The following SLIT3 variants were observed in gnomAD, a reference collection of about 807,000 sequenced individuals.
SLIT3 encodes slit homolog 3 protein.
Under a neutral mutation model 184.0 loss-of-function variants are expected in SLIT3, and 68 were observed. The observed-to-expected ratio is 0.37, with a 90% confidence interval of 0.30 to 0.45. The LOEUF is 0.45. SLIT3 is among the 20% of genes least tolerant of loss of function. The probability of loss-of-function intolerance (pLI) is 1.00; values close to 1 mark genes in which losing one functional copy is unlikely to be tolerated. For synonymous variants in SLIT3, 831 were observed against 828.6 expected (o/e 1.00, Z -0.05); for missense variants, 1,707 against 2,026.0 (o/e 0.84, Z 3.02).
chr5:168,862,679 T>TTG (rs1759154301), intron 5 of SLIT3, among the ~76,000 whole-genome samples: 3 of 116,814 alleles, frequency 2.6e-5, no homozygotes, highest in African/African-American at 1.7e-4. Flanking sequence ...TTGTTTGTTG[T>TTG]TTTTTTTTTT....
At chr5:168,944,587 A>G (rs1214263435) in intron 4 of SLIT3, among the ~76,000 whole-genome samples, 1 of 152,208 alleles carries the variant, frequency 6.6e-6, no homozygotes, top group Non-Finnish European at 1.5e-5. Flanking sequence ...CAGCAAAGAC[A>G]TAACACCTCT....
chr5:168,989,720 C>A (rs983821828), intron 4 of SLIT3, among the ~76,000 whole-genome samples: 3 of 152,124 alleles, frequency 2.0e-5, no homozygotes, highest in African/African-American at 7.2e-5. Flanking sequence ...CACCCTAAAA[C>A]GAGAAGATCA....
chr5:168,810,595 G>T (rs1027009890), intron 8 of SLIT3, among the ~76,000 whole-genome samples: 3 of 152,188 alleles, frequency 2.0e-5, no homozygotes, highest in Non-Finnish European at 4.4e-5. Flanking sequence ...CTCAATACGC[G>T]TCTCCCCTCT....
chr5:168,899,928 T>C (rs1760808721), intron 4 of SLIT3, among the ~76,000 whole-genome samples: 1 of 152,112 alleles, frequency 6.6e-6, no homozygotes, highest in African/African-American at 2.4e-5. Flanking sequence ...CCCCTCCCAG[T>C]TCCTGAGGAA....
intron 4 of SLIT3, among the ~76,000 whole-genome samples, chr5:169,107,245 C>A (rs1220946311): frequency 6.6e-6 from 1 of 152,238 alleles, no homozygotes; most frequent in East Asian, 1.9e-4. Flanking sequence ...GTGGCTCACA[C>A]TTCTCCTAGC....
At chr5:168,937,172 G>T (rs1038999347) in intron 4 of SLIT3, among the ~76,000 whole-genome samples, 1 of 152,204 alleles carries the variant, frequency 6.6e-6, no homozygotes, top group African/African-American at 2.4e-5. Flanking sequence ...TACTGGAGGG[G>T]TAGGGAGAAG....
intron 4 of SLIT3, among the ~76,000 whole-genome samples, chr5:169,128,619 C>T (rs1450176081): frequency 5.9e-5 from 9 of 152,124 alleles, no homozygotes; most frequent in African/African-American, 1.9e-4. Context: ...TTAGTAGAGA[C>T]GAGGTTTCAC....
intron 27 of SLIT3, among the ~76,000 whole-genome samples, chr5:168,697,621 C>T (rs1015315063): frequency 6.6e-6 from 1 of 152,180 alleles, no homozygotes; most frequent in Non-Finnish European, 1.5e-5. Flanking sequence ...CTACACTCAG[C>T]TAACAGGCAG....
intron 3 of SLIT3, among the ~76,000 whole-genome samples, chr5:169,203,683 G>A (rs541339448): frequency 8.5e-5 from 13 of 152,244 alleles, no homozygotes; most frequent in Admixed American, 2.6e-4. Flanking sequence ...GATAACAGCC[G>A]CAGAGGTGTT....
At chr5:168,945,672 A>G (rs1762453247) in intron 4 of SLIT3, among the ~76,000 whole-genome samples, 1 of 152,200 alleles carries the variant, frequency 6.6e-6, no homozygotes, top group East Asian at 1.9e-4. Flanking sequence ...AGTTATTCCA[A>G]ATATATCAAC....
At position 169,147,472 on chromosome 5, in the gene SLIT3, G is replaced by C. The variant is rs147982978; in HGVS notation, c.413+46007C>G. ...GACAGGGTTTGATCGTGTTAGCCAG[G>C]ATGGTCTCAATCTCCTGACCTCATG... On this transcript the variant is annotated intron_variant, in intron 4 of 35. Transcript: ENST00000519560. 8.5e-3 allele frequency among the ~76,000 whole-genome samples: 1,288 copies of C among 152,204 alleles called. 17 individuals carry two copies. Among genetic ancestry groups the C allele is most frequent in the African/African-American group, 0.03 (1,226 of 41,520 alleles).
chr5:168,969,056 C>T (rs952061735), intron 4 of SLIT3, among the ~76,000 whole-genome samples: 2 of 152,198 alleles, frequency 1.3e-5, no homozygotes. Flanking sequence ...ATTTTTCCCC[C>T]GCAAGATACA....
rs1758381260 is a variant in SLIT3 at position 168,844,498 on chromosome 5, C to T, written c.557+86G>A. 10 of 1,232,374 alleles carry T rather than the reference C, an allele frequency of 8.1e-6. No homozygotes were observed. The South Asian group carries it at 1.1e-4, about 14-fold the overall frequency. 76.3% of individuals were successfully genotyped at this position (1,232,374 alleles called of 1,614,324 possible). ...TCACACAGACCCTCCTGCACACACT[C>T]TCCCCCTCTCTCCTCCCCACACAGA... On this transcript the variant is annotated intron_variant, in intron 6 of 35. Coordinates refer to ENST00000519560, the MANE Select transcript of SLIT3 (RefSeq NM_003062.4).
chr5:168,722,758 G>A (rs1300685429), intron 22 of SLIT3, among the ~76,000 whole-genome samples, 175 bp downstream of exon 22: 1 of 152,206 alleles, frequency 6.6e-6, no homozygotes, highest in East Asian at 1.9e-4. Flanking sequence ...CTGGACAGTG[G>A]AGGGCTTCCT....
intron 3 of SLIT3, among the ~76,000 whole-genome samples, chr5:169,197,138 G>A (rs1404279538): frequency 1.3e-5 from 2 of 152,106 alleles, no homozygotes; most frequent in South Asian, 2.1e-4. Flanking sequence ...GTTTTTTGCC[G>A]GTATTTGTGG....
chr5:168,839,229 T>A (rs1229491363), intron 6 of SLIT3, among the ~76,000 whole-genome samples: 2 of 152,158 alleles, frequency 1.3e-5, no homozygotes, highest in South Asian at 4.1e-4. Flanking sequence ...AGCTCTGGCC[T>A]ATGGAGCTCA....
chr5:169,189,190 C>T (rs1763459108), intron 4 of SLIT3, among the ~76,000 whole-genome samples: 1 of 152,086 alleles, frequency 6.6e-6, no homozygotes, highest in South Asian at 2.1e-4. Flanking sequence ...ATGGCACTGG[C>T]TCTGAGGATG....
intron 4 of SLIT3, among the ~76,000 whole-genome samples, chr5:168,979,466 C>T (rs1754878401): frequency 6.6e-6 from 1 of 152,218 alleles, no homozygotes; most frequent in African/African-American, 2.4e-5. Context: ...AGGAACTCTT[C>T]CCCTGTTTAC....
chr5:169,093,652 A>G (rs1211260926), intron 4 of SLIT3, among the ~76,000 whole-genome samples: 1 of 152,210 alleles, frequency 6.6e-6, no homozygotes, highest in African/African-American at 2.4e-5. Flanking sequence ...CTTTGTTTTT[A>G]TAAGAAGTAA....
Sources: allele counts gnomAD v4.1 joint callset (sites outside exome capture counted in the v4.1 genomes callset), GRCh38; gene constraint gnomAD v4.1.1; transcripts MANE v1.5; gene names NCBI Gene and HGNC (gene_info 2026-07-23, HGNC 2026-07-21).